THBS3: variants seen among roughly 807,000 people sequenced by gnomAD.
THBS3 encodes the protein thrombospondin-3.
THBS3 carries 78 observed loss-of-function variants against 118.3 expected under a neutral mutation model. The ratio of observed to expected loss-of-function variants is 0.66; its 90% CI spans 0.55 to 0.80. The LOEUF (loss-of-function observed/expected upper bound fraction) is 0.80. Among genes scored for constraint, THBS3 ranks in the 30% least tolerant of loss-of-function variants. The pLI, the probability that THBS3 is intolerant of heterozygous loss-of-function variation, is 0.00. For synonymous variants in THBS3, 427 were observed against 475.3 expected (o/e 0.90, Z 1.32); for missense variants, 1,057 against 1,247.4 (o/e 0.85, Z 2.30).
intron 2 of THBS3, 38 bp from the exon 3 acceptor site, chr1:155,205,354 C>T (rs750514040): frequency 4.4e-6 from 7 of 1,595,666 alleles, no homozygotes; most frequent in Non-Finnish European, 2.6e-6. Context: ...CGCTATCCCC[C>T]ACCCCCTGCC....
intron 13 of THBS3, 77 bp from the exon 14 acceptor site, chr1:155,200,687 A>G: frequency 6.3e-7 from 1 of 1,579,226 alleles, no homozygotes; most frequent in Non-Finnish European, 8.6e-7. Flanking sequence ...TTGTCTCTGT[A>G]TCCTTTTCTA....
At chr1:155,204,094 C>T (rs1034168793) in intron 4 of THBS3, among the ~76,000 whole-genome samples, 1 of 152,062 alleles carries the variant, frequency 6.6e-6, no homozygotes, top group Non-Finnish European at 1.5e-5. Flanking sequence ...CCCACCTCAG[C>T]CTCCCAAAGT....
At chr1:155,203,041 G>A (rs781542642) in intron 7 of THBS3, 45 bp downstream of exon 7, 1 of 1,613,940 alleles carries the variant, frequency 6.2e-7, no homozygotes, top group East Asian at 2.2e-5. Context: ...ATTGGGTGGG[G>A]AACGTGGCAC....
At chr1:155,208,882 G>A (rs750361868), upstream of THBS3, 1 of 1,611,696 alleles carries the variant, frequency 6.2e-7, no homozygotes, top group South Asian at 1.1e-5. Context: ...CAGGCCACGT[G>A]CAGTTTGGCA....
At position 155,197,744 on chromosome 1, in the gene THBS3, A is replaced by C. The variant is rs1053640225; in HGVS notation, c.2303-85T>G. ...GTAAAGTTGGGAAGGGATGCCTGCT[A>C]TGTATGTGGCCAGCTTGTGCCACTG... On this transcript the variant is annotated intron_variant, in intron 19 of 22. Coordinates refer to ENST00000368378, the MANE Select transcript of THBS3 (RefSeq NM_007112.5). This position sits in a 1 kb window ranked among gnomAD's most constrained non-coding sequence, Gnocchi z 5.0. The C allele has an allele frequency of 6.3e-7, 1 of 1,590,028 alleles. No individual in the cohort carries two copies. The highest frequency in any genetic ancestry group is 1.3e-5 in the African/African-American group (1 of 74,396).
chr1:155,205,452 G>A, intron 2 of THBS3, 136 bp from the exon 3 acceptor site: 1 of 1,154,072 alleles, frequency 8.7e-7, no homozygotes, highest in Non-Finnish European at 1.2e-6. Context: ...TCAACACCTT[G>A]TATTTAATAG....
rs760165277 is a variant in THBS3, at chr1:155,196,070, G to A, written c.2729C>T (p.Thr910Ile). ...ACCAAGACGCCCCCCTCGCATGGAT[G>A]TGTCAATGATCACCCCAGAATCCGC... Reference protein sequence around the residue: ...LVADSGVIIDTSMRGGRLGVF... With the variant: ...LVADSGVIIDISMRGGRLGVF... The change falls in exon 22 of 23, where the codon ACA becomes ATA. Residue 910 changes from threonine (T) to isoleucine (I), a missense_variant. Coordinates refer to ENST00000368378, the MANE Select transcript of THBS3 (RefSeq NM_007112.5). The A allele has an allele frequency of 4.2e-5, 67 of 1,614,048 alleles. 3 individuals carry two copies. The South Asian group carries it at 7.1e-4, about 17-fold the overall frequency.
In THBS3 at chr1:155,197,671, G is replaced by A; in HGVS notation, c.2303-12C>T. The A allele has an allele frequency of 1.3e-6, 2 of 1,584,944 alleles. No homozygotes were observed. Among genetic ancestry groups the A allele is most frequent in the Non-Finnish European group, 8.7e-7 (1 of 1,154,228 alleles). The stretch of plus-strand genomic sequence containing the variant: ...GAAGGCCGTGTATCCTGGGGTGGGG[G>A]TGGGATAAAGGTCAGGGGCAGCAAA... On this transcript the variant is annotated splice_polypyrimidine_tract_variant and intron_variant, in intron 19 of 22. Coordinates refer to ENST00000368378, the MANE Select transcript of THBS3 (RefSeq NM_007112.5). The surrounding 1 kb of genome is among the most constrained non-coding windows in gnomAD (Gnocchi z 5.0).
rs974703303 is a variant in THBS3, at chr1:155,198,408, C to T, written c.2074+1G>A. The T allele has an allele frequency of 1.2e-6, 2 of 1,613,270 alleles. No individual in the cohort carries two copies. Among genetic ancestry groups the T allele is most frequent in the Non-Finnish European group, 1.7e-6 (2 of 1,179,298 alleles). On this transcript the variant is annotated splice_donor_variant, in intron 17 of 22. Transcript: ENST00000368378. LOFTEE classifies it high-confidence loss of function. ...AACGTGCTCTGGGTCCGCAGGCTTA[C>T]CATCTGAGTCCTTCTGATTGGGATT...
chr1:155,202,236 G>A lies in THBS3; in HGVS notation c.1098+25C>T. 2 of 1,610,384 alleles carry A rather than the reference G, an allele frequency of 1.2e-6. No homozygotes were observed. Among genetic ancestry groups the A allele is most frequent in the Non-Finnish European group, 1.7e-6 (2 of 1,177,660 alleles). On this transcript the variant is annotated intron_variant, in intron 9 of 22. Coordinates refer to ENST00000368378, the MANE Select transcript of THBS3 (RefSeq NM_007112.5). This position sits in a 1 kb window ranked among gnomAD's most constrained non-coding sequence, Gnocchi z 5.5. ...GGCCTCTACAAGGCCAAGATCCCTT[G>A]TCCACACACACTACCCAGTCTGACC...
Position 155,197,506 on chromosome 1 carries a change from G to A in THBS3, c.2456C>T (p.Ala819Val), listed in dbSNP as rs1033838622. 1.2e-6 allele frequency: 2 copies of A among 1,614,058 alleles called. No individual in the cohort carries two copies. Among genetic ancestry groups the A allele is most frequent in the Non-Finnish European group, 1.7e-6 (2 of 1,180,030 alleles). The change falls in exon 20 of 23, where the codon GCT (alanine) becomes GTT (valine). Residue 819 changes from alanine (A) to valine (V), a missense_variant. By Grantham distance (64) the Ala-to-Val change is moderately conservative. Around this residue, in one of 3 missense-constraint regions of THBS3, gnomAD observed 307 missense variants for 326.1 expected, o/e 0.94. Coordinates refer to ENST00000368378, the MANE Select transcript of THBS3 (RefSeq NM_007112.5). The surrounding 1 kb of genome is among the most constrained non-coding windows in gnomAD (Gnocchi z 5.0). ...WKQTEQTYWQ[A>V]TPFRAVAQPG... The stretch of plus-strand genomic sequence containing the variant: ...CTGGGCAACCGCCCGGAAGGGTGTA[G>A]CCTGCCAGTAGGTCTGCTCGGTCTG...
In THBS3 at chr1:155,196,135, G is replaced by T. The variant is rs1164434508; in HGVS notation, c.2673-9C>A. On this transcript the variant is annotated splice_polypyrimidine_tract_variant and intron_variant, in intron 21 of 22. Coordinates refer to ENST00000368378, the MANE Select transcript of THBS3 (RefSeq NM_007112.5). ...CCTCATAGAGCTTCACCCTGTCCAG[G>T]ATTCCAGGATAGGAGTATCCATTGG... The T allele has an allele frequency of 6.2e-7, 1 of 1,613,722 alleles. No homozygotes were observed. Among genetic ancestry groups the T allele is most frequent in the Non-Finnish European group, 8.5e-7 (1 of 1,180,034 alleles).
At chr1:155,208,004 G>C (rs572933306), upstream of THBS3, 16 of 399,232 alleles carry the variant, frequency 4.0e-5, no homozygotes, top group Non-Finnish European at 6.0e-5. Context: ...GGTGAGGGGG[G>C]GCTGAAACAA....
chr1:155,196,829 A>C, intron 21 of THBS3: 1 of 583,598 alleles, frequency 1.7e-6, no homozygotes, highest in Non-Finnish European at 3.0e-6. Context: ...AGGGCATCTA[A>C]CCCAATGCCC....
chr1:155,196,404 T>G, intron 21 of THBS3: 1 of 487,204 alleles, frequency 2.1e-6, no homozygotes, highest in South Asian at 2.8e-5. Flanking sequence ...CACAATGGGC[T>G]GGGGGGTGAA....
intron 17 of THBS3, 25 bp from the exon 18 acceptor site, chr1:155,198,245 C>T: frequency 6.2e-7 from 1 of 1,612,410 alleles, no homozygotes; most frequent in South Asian, 1.1e-5. Flanking sequence ...GCTGGGTGCT[C>T]AGGAAGGCCC....
At chr1:155,204,788 G>C in intron 4 of THBS3, 67 bp downstream of exon 4, 2 of 1,408,524 alleles carry the variant, frequency 1.4e-6, no homozygotes, top group South Asian at 2.3e-5. Flanking sequence ...GGGAGATCAA[G>C]AAGACAGGAG....
In THBS3 at chr1:155,206,243, G is replaced by A. The variant is rs1219923664; in HGVS notation, c.243C>T (p.Asn81=). 6.8e-6 allele frequency: 11 copies of A among 1,614,042 alleles called. No homozygotes were observed. In the African/African-American group the frequency reaches 1.5e-4, roughly 22 times the overall value. The part of the protein sequence containing the change: ...VLFGLYSRQD[N]TRWLEASVVG... ...CAACAGAGGCCTCCAGCCATCGAGT[G>A]TTGTCTTGGCGAGAATAGAGGCCAA... Residue 81 remains asparagine (N), a synonymous_variant, in exon 2 of 23, where the codon AAC becomes AAT. Transcript: ENST00000368378. This position sits in a 1 kb window ranked among gnomAD's most constrained non-coding sequence, Gnocchi z 4.2.
chr1:155,205,219 T>C lies in THBS3; in HGVS notation c.384A>G (p.Arg128=). Residue 128 remains arginine (R), a synonymous_variant, in exon 3 of 23, where the codon CGA becomes CGG. Transcript: ENST00000368378. ...GGCTGGGTCTGGAGGGACCTCGGAG[T>C]CGCAGGAGAACTGTGTGTGTGCGCC... ...ADGRTHTVLL[R]LRGPSRPSPA... 6.2e-7 allele frequency: 1 copy of C among 1,613,614 alleles called. No individual in the cohort carries two copies. Among genetic ancestry groups the C allele is most frequent in the Non-Finnish European group, 8.5e-7 (1 of 1,179,954 alleles).
Sources: gnomAD v4.1 joint callset for allele counts (sites outside exome capture counted in the v4.1 genomes callset) on GRCh38, gnomAD v4.1.1 for gene constraint, gnomAD v4.1.1 regional missense constraint, Gnocchi (gnomAD v3.1) non-coding constraint, MANE v1.5 for transcripts, NCBI Gene and HGNC (gene_info 2026-07-23, HGNC 2026-07-21) for gene names.